The following PDE4B variants were observed in gnomAD, a reference collection of about 807,000 sequenced individuals.
PDE4B encodes the protein 3',5'-cyclic-AMP phosphodiesterase 4B.
A neutral mutation model predicts 82.2 loss-of-function variants in PDE4B; 20 were observed. That is an observed-to-expected ratio of 0.24 (90% CI 0.17 to 0.35). PDE4B has a LOEUF of 0.35. Ranked by LOEUF, PDE4B falls within the 10% of genes least tolerant of loss-of-function variation. PDE4B has a pLI of 1.00. For synonymous variants in PDE4B, 320 were observed against 318.9 expected, an observed-to-expected ratio of 1.00 and a Z score of -0.04; for missense variants, 655 against 907.2, an observed-to-expected ratio of 0.72 and a Z score of 3.57.
chr1:66,260,515 G>A (rs1173666394), intron 6 of PDE4B, among the ~76,000 whole-genome samples: 1 of 152,186 alleles, frequency 6.6e-6, no homozygotes, highest in African/African-American at 2.4e-5. Flanking sequence ...GATGGCAATG[G>A]GGAGGAAGGG....
At chr1:66,184,988 C>T (rs547858657) in intron 3 of PDE4B, among the ~76,000 whole-genome samples, 2 of 152,102 alleles carry the variant, frequency 1.3e-5, no homozygotes, top group East Asian at 3.9e-4. Flanking sequence ...ATCCCTCCCC[C>T]CTCCTCCCAC....
chr1:66,076,372 G>T (rs1432892285), intron 3 of PDE4B, among the ~76,000 whole-genome samples: 1 of 152,126 alleles, frequency 6.6e-6, no homozygotes, highest in African/African-American at 2.4e-5. Context: ...CTTTTTGATG[G>T]CTGCATAATT....
intron 3 of PDE4B, among the ~76,000 whole-genome samples, chr1:66,093,821 GA>G (rs1173749464): frequency 2.6e-5 from 4 of 151,960 alleles, no homozygotes; most frequent in African/African-American, 7.2e-5. Flanking sequence ...GAGATGAGGG[GA>G]AAAAAAGCAT....
intron 3 of PDE4B, among the ~76,000 whole-genome samples, chr1:66,223,620 C>T (rs1651182521): frequency 1.3e-5 from 2 of 152,144 alleles, no homozygotes; most frequent in South Asian, 4.1e-4. Flanking sequence ...CCTTTCCTTG[C>T]TCCAACTGAC....
rs1277261382 is a variant in PDE4B at position 66,373,211 on chromosome 1, A to G, written c.*533A>G. On this transcript the variant is annotated 3_prime_UTR_variant, in exon 17 of 17. Coordinates refer to ENST00000341517, the MANE Select transcript of PDE4B (RefSeq NM_002600.4). The stretch of plus-strand genomic sequence containing the variant: ...TCTTTCTGGAAAAGGGAAAGAAAAT[A>G]GTCTTCCTTCTTTCTTGGGCAATAT... The G allele has an allele frequency of 6.5e-6, 1 of 154,384 alleles. No homozygotes were observed. 9.6% of individuals were successfully genotyped at this position (154,384 alleles called of 1,614,324 possible). A position where few individuals can be genotyped will look rare whatever the true frequency, so the allele number is the denominator to read the frequency against.
intron 3 of PDE4B, among the ~76,000 whole-genome samples, chr1:66,104,774 T>G (rs2101031761): frequency 6.7e-6 from 1 of 150,370 alleles, no homozygotes; most frequent in East Asian, 2.0e-4. Context: ...TCGCCCACTT[T>G]TTGATGGGGT....
At chr1:66,081,832 C>CTCTCTGTGTGTG (rs1280680569) in intron 3 of PDE4B, among the ~76,000 whole-genome samples, 1 of 125,120 alleles carries the variant, frequency 8.0e-6, no homozygotes, top group East Asian at 2.6e-4. Context: ...CTCTCTCTCT[C>CTCTCTGTGTGTG]TGTGTGTGTG....
chr1:66,239,308 AC>A (rs972632637), intron 3 of PDE4B, among the ~76,000 whole-genome samples: 1 of 152,096 alleles, frequency 6.6e-6, no homozygotes, highest in South Asian at 2.1e-4. Context: ...ATGCAAAGCC[AC>A]CCCCCTCCCT....
At chr1:65,948,757 G>A (rs6680334) in intron 3 of PDE4B, among the ~76,000 whole-genome samples, 2 of 151,812 alleles carry the variant, frequency 1.3e-5, no homozygotes, top group African/African-American at 2.4e-5. Flanking sequence ...CTGTATTCAC[G>A]TGTTTGGAAA....
chr1:65,988,221 A>T (rs549811107), intron 3 of PDE4B, among the ~76,000 whole-genome samples: 1 of 152,248 alleles, frequency 6.6e-6, no homozygotes, highest in African/African-American at 2.4e-5. Flanking sequence ...TCTTTTAAAG[A>T]GTTGCCAGTT....
intron 3 of PDE4B, among the ~76,000 whole-genome samples, chr1:66,187,792 A>T (rs1416307688): frequency 6.6e-6 from 1 of 151,638 alleles, no homozygotes; most frequent in Non-Finnish European, 1.5e-5. Context: ...CAGCTCCTGG[A>T]TTCATTGATT....
chr1:65,980,753 G>T (rs1029098214), intron 3 of PDE4B, among the ~76,000 whole-genome samples: 2 of 152,080 alleles, frequency 1.3e-5, no homozygotes, highest in Non-Finnish European at 2.9e-5. Flanking sequence ...CAGATAGAAA[G>T]GAGGACTTCA....
intron 3 of PDE4B, among the ~76,000 whole-genome samples, chr1:66,157,366 C>T (rs189863729): frequency 1.3e-5 from 2 of 152,314 alleles, no homozygotes; most frequent in Admixed American, 1.3e-4. Context: ...TTTTGCAGTG[C>T]AGCCAAAGTG....
chr1:66,224,908 C>T (rs913841048), intron 3 of PDE4B, among the ~76,000 whole-genome samples: 8 of 152,136 alleles, frequency 5.3e-5, no homozygotes, highest in African/African-American at 1.7e-4. Context: ...AAACTATGCC[C>T]GTCTGTCGCA....
At chr1:66,208,773 G>T (rs141475832) in intron 3 of PDE4B, among the ~76,000 whole-genome samples, 1 of 152,206 alleles carries the variant, frequency 6.6e-6, no homozygotes, top group Non-Finnish European at 1.5e-5. Flanking sequence ...TTAAATAAAT[G>T]CAAAAAATAT....
intron 3 of PDE4B, among the ~76,000 whole-genome samples, chr1:65,998,400 T>C (rs573377973): frequency 2.0e-5 from 3 of 150,544 alleles, no homozygotes; most frequent in African/African-American, 4.9e-5. Context: ...GTTGGAGTTT[T>C]AGCCCATCCA....
chr1:66,141,675 A>G (rs1646175328), intron 3 of PDE4B, among the ~76,000 whole-genome samples: 1 of 152,042 alleles, frequency 6.6e-6, no homozygotes, highest in South Asian at 2.1e-4. Flanking sequence ...TGCCGGGCCT[A>G]TGAAAGGCTG....
intron 10 of PDE4B, among the ~76,000 whole-genome samples, chr1:66,362,517 G>T (rs1236299174): frequency 6.6e-6 from 1 of 152,164 alleles, no homozygotes; most frequent in African/African-American, 2.4e-5. Flanking sequence ...GGAGAGCCTG[G>T]ATCTCTTACT....
chr1:66,239,567 CT>C (rs1315280511), intron 3 of PDE4B, among the ~76,000 whole-genome samples: 1 of 152,036 alleles, frequency 6.6e-6, no homozygotes, highest in Non-Finnish European at 1.5e-5. Context: ...CATTTTTTAC[CT>C]GGAAAGGGAT....
Sources: gnomAD v4.1 joint callset for allele counts (sites outside exome capture counted in the v4.1 genomes callset) on GRCh38, gnomAD v4.1.1 for gene constraint, MANE v1.5 for transcripts, NCBI Gene and HGNC (gene_info 2026-07-23, HGNC 2026-07-21) for gene names.